Variants in DNM3 observed in about 807,000 individuals in gnomAD.
DNM3 encodes the protein dynamin 3.
A neutral mutation model predicts 101.6 loss-of-function variants in DNM3; 47 were observed. The ratio of observed to expected loss-of-function variants is 0.46; its 90% confidence interval spans 0.37 to 0.59. The LOEUF (loss-of-function observed/expected upper bound fraction) is 0.59, where lower values mean the gene tolerates loss of function less well. Among genes scored for constraint, DNM3 ranks in the 20% least tolerant of loss-of-function variants. The probability of loss-of-function intolerance (pLI) is 0.00; values close to 1 mark genes in which losing one functional copy is unlikely to be tolerated. For synonymous variants in DNM3, 385 were observed against 387.9 expected (o/e 0.99, Z 0.09); for missense variants, 849 against 1,085.7 (o/e 0.78, Z 3.06).
At chr1:172,115,875 G>A (rs916041835) in intron 13 of DNM3, among the ~76,000 whole-genome samples, 1 of 152,018 alleles carries the variant, frequency 6.6e-6, no homozygotes, top group Admixed American at 6.6e-5. Flanking sequence ...ATCATCTCCA[G>A]ATATATAATT....
At chr1:171,899,613 A>T (rs1262114389) in intron 1 of DNM3, among the ~76,000 whole-genome samples, 1 of 152,210 alleles carries the variant, frequency 6.6e-6, no homozygotes, top group African/African-American at 2.4e-5. Flanking sequence ...GGTGGCAGGA[A>T]ACACAGAAAT....
chr1:171,966,125 C>T (rs1184511904), intron 2 of DNM3, among the ~76,000 whole-genome samples: 2 of 152,198 alleles, frequency 1.3e-5, no homozygotes, highest in Non-Finnish European at 2.9e-5. Context: ...CCTTGCCCTC[C>T]CAGGTGGCCC....
intron 14 of DNM3, among the ~76,000 whole-genome samples, chr1:172,172,480 A>C (rs1457798144): frequency 6.6e-6 from 1 of 151,598 alleles, no homozygotes; most frequent in African/African-American, 2.4e-5. Context: ...TCATCATGCT[A>C]CTCAGATTGG....
intron 15 of DNM3, among the ~76,000 whole-genome samples, chr1:172,277,701 A>G (rs2063340855): frequency 6.6e-6 from 1 of 152,136 alleles, no homozygotes; most frequent in South Asian, 2.1e-4. Flanking sequence ...ATGAGGTAAG[A>G]GAATTATCTT....
chr1:172,132,849 T>TA, intron 14 of DNM3: 1 of 768,690 alleles, frequency 1.3e-6, no homozygotes, highest in African/African-American at 1.7e-5. Context: ...AACCTTTTTT[T>TA]AAAAAAGTCT....
At chr1:172,359,483 T>C (rs1487105309) in intron 17 of DNM3, among the ~76,000 whole-genome samples, 2 of 151,974 alleles carry the variant, frequency 1.3e-5, no homozygotes, top group African/African-American at 4.8e-5. Flanking sequence ...TTTAAAACCA[T>C]TGTAGAACTT....
chr1:171,897,991 A>T (rs2037963493), intron 1 of DNM3, among the ~76,000 whole-genome samples: 1 of 152,054 alleles, frequency 6.6e-6, no homozygotes, highest in Non-Finnish European at 1.5e-5. Flanking sequence ...CTTGTCTATA[A>T]CATTTTCAGG....
chr1:171,951,148 A>G (rs2125454486), intron 2 of DNM3, among the ~76,000 whole-genome samples: 1 of 152,332 alleles, frequency 6.6e-6, no homozygotes, highest in African/African-American at 2.4e-5. Flanking sequence ...ATATTTGTTC[A>G]GTACTTACTT....
chr1:171,994,479 C>G (rs1318831867), intron 4 of DNM3, among the ~76,000 whole-genome samples: 1 of 151,982 alleles, frequency 6.6e-6, no homozygotes, highest in Non-Finnish European at 1.5e-5. Context: ...AATGCTCAGG[C>G]AGACAGTTTA....
rs139217762 is a variant in DNM3, at chr1:172,369,343, A to G, written c.1894-9675A>G. ...ACATATACAAATCAATAAATGTGGT[A>G]TATCACATCAACAGAATGAAGGACA... On this transcript the variant is annotated intron_variant, in intron 17 of 20. Coordinates refer to ENST00000627582, the MANE Select transcript of DNM3 (RefSeq NM_015569.5). Among the ~76,000 whole-genome samples, 47 of 152,106 alleles carry G rather than the reference A, an allele frequency of 3.1e-4. No individual in the cohort carries two copies. The East Asian group carries it at 7.0e-3, about 23-fold the overall frequency.
At chr1:171,944,854 CCTTTTTT>C (rs1259083161) in intron 2 of DNM3, among the ~76,000 whole-genome samples, 835 of 37,550 alleles carry the variant, frequency 0.022, 113 homozygotes, top group African/African-American at 0.064. Flanking sequence ...TTTGGTGTTT[CCTTTTTT>C]TTTTTTTTTT....
At chr1:172,015,690 T>A (rs1445731825) in intron 4 of DNM3, among the ~76,000 whole-genome samples, 1 of 152,232 alleles carries the variant, frequency 6.6e-6, no homozygotes, top group Non-Finnish European at 1.5e-5. Flanking sequence ...GGATTTTCTA[T>A]ATACATAATT....
At chr1:172,320,348 A>T (rs1194048824) in intron 16 of DNM3, among the ~76,000 whole-genome samples, 1 of 150,852 alleles carries the variant, frequency 6.6e-6, no homozygotes, top group Non-Finnish European at 1.5e-5. Flanking sequence ...TAACCTGAAC[A>T]TTGTGCACAG....
chr1:172,010,527 G>C (rs1032293124), intron 4 of DNM3, among the ~76,000 whole-genome samples: 1 of 142,138 alleles, frequency 7.0e-6, no homozygotes, highest in African/African-American at 2.6e-5. Flanking sequence ...ATGTCCTCTT[G>C]CTTTCATAGT....
At chr1:172,330,716 TTAAA>T (rs750230526) in intron 17 of DNM3, among the ~76,000 whole-genome samples, 15 of 152,180 alleles carry the variant, frequency 9.9e-5, no homozygotes, top group Admixed American at 5.2e-4. Flanking sequence ...AGGAAGATAC[TTAAA>T]TAGAGGATGG....
intron 17 of DNM3, among the ~76,000 whole-genome samples, chr1:172,372,753 G>A (rs1036067631): frequency 2.9e-5 from 4 of 135,662 alleles, no homozygotes; most frequent in East Asian, 4.4e-4. Context: ...GTGTGATCTC[G>A]GCTCACTCCC....
intron 13 of DNM3, among the ~76,000 whole-genome samples, chr1:172,112,533 G>C (rs955711101): frequency 6.6e-6 from 1 of 152,072 alleles, no homozygotes; most frequent in Non-Finnish European, 1.5e-5. Context: ...CAGTGACCCT[G>C]GCCCTGAACC....
intron 15 of DNM3, among the ~76,000 whole-genome samples, chr1:172,304,391 T>A (rs930844300): frequency 6.6e-6 from 1 of 151,732 alleles, no homozygotes; most frequent in African/African-American, 2.4e-5. Context: ...ATAAAGCAAG[T>A]CCTTAGAGAC....
intron 14 of DNM3, among the ~76,000 whole-genome samples, chr1:172,160,750 T>G (rs923903332): frequency 1.3e-5 from 2 of 152,098 alleles, no homozygotes; most frequent in African/African-American, 4.8e-5. Flanking sequence ...TTCAATAGCA[T>G]AGTTGCTTAT....
Sources: gnomAD v4.1 joint callset for allele counts (sites outside exome capture counted in the v4.1 genomes callset) on GRCh38, gnomAD v4.1.1 for gene constraint, MANE v1.5 for transcripts, NCBI Gene and HGNC (gene_info 2026-07-23, HGNC 2026-07-21) for gene names.